The following LBHD1 variants were observed in gnomAD, a reference collection of about 807,000 sequenced individuals.
LBHD1 encodes the protein LBH domain-containing protein 1.
A neutral mutation model predicts 31.1 loss-of-function variants in LBHD1; 28 were observed. The observed-to-expected ratio is 0.90, with a 90% CI of 0.67 to 1.24. The LOEUF (loss-of-function observed/expected upper bound fraction) is 1.24, where lower values mean the gene tolerates loss of function less well. LBHD1 is among the 50% of genes most tolerant of loss of function. The pLI is 0.00. For synonymous variants in LBHD1, 105 were observed against 116.5 expected (o/e 0.90, Z 0.63); for missense variants, 350 against 323.0 (o/e 1.08, Z -0.64).
At chr11:62,663,921 A>T (rs1010564239) in intron 5 of LBHD1, among the ~76,000 whole-genome samples, 37 of 150,166 alleles carry the variant, frequency 2.5e-4, no homozygotes, top group African/African-American at 8.8e-4. Context: ...AAAAATACAA[A>T]AATTAGCCGG....
chr11:62,669,212 G>A (rs770338356), intron 3 of LBHD1, among the ~76,000 whole-genome samples: 8 of 151,964 alleles, frequency 5.3e-5, no homozygotes, highest in Non-Finnish European at 7.4e-5. Context: ...GAGCCACCGC[G>A]GCCAGCCTTA....
chr11:62,662,951 C>G lies in LBHD1; in HGVS notation c.*178G>C. 1.1e-6 allele frequency: 1 copy of G among 909,176 alleles called. No individual in the cohort carries two copies. The highest frequency in any genetic ancestry group is 2.6e-5 in the East Asian group (1 of 39,176). 56.3% of individuals were successfully genotyped at this position (909,176 alleles called of 1,614,324 possible). A position where few individuals can be genotyped will look rare whatever the true frequency, so the allele number is the denominator to read the frequency against. ...AGTAGGCCATTAGGTAGGAGGAAAT[C>G]TGGAGAGTGAAAAGGGGCCTTGCTT... is the stretch of plus-strand genomic sequence containing the variant. On this transcript the variant is annotated 3_prime_UTR_variant, in exon 7 of 7. Coordinates refer to ENST00000354588, the MANE Select transcript of LBHD1 (RefSeq NM_024099.5).
At chr11:62,666,344 G>GT in intron 4 of LBHD1, 3 of 1,582,244 alleles carry the variant, frequency 1.9e-6, no homozygotes, top group Non-Finnish European at 2.6e-6. Context: ...TATATACGAC[G>GT]TTTTTGCAGT....
At chr11:62,668,550 G>C (rs914141043) in intron 3 of LBHD1, 5 of 150,770 alleles carry the variant, frequency 3.3e-5, no homozygotes, top group Non-Finnish European at 7.4e-5. Flanking sequence ...GGTGGCTCAC[G>C]CCTGTAATCC....
At chr11:62,665,991 G>A in intron 4 of LBHD1, 7 of 1,582,136 alleles carry the variant, frequency 4.4e-6, no homozygotes, top group Non-Finnish European at 6.0e-6. Context: ...TGGGGGCAGA[G>A]TGGGGAGGGT....
chr11:62,663,207 C>T (rs774029741), intron 6 of LBHD1, 29 bp downstream of exon 6: 4 of 1,613,788 alleles, frequency 2.5e-6, no homozygotes, highest in Non-Finnish European at 2.5e-6. Context: ...ATCCAGGATT[C>T]CCCTCACCCA....
At chr11:62,666,986 G>T (rs1484545855) in intron 4 of LBHD1, 1 of 1,614,074 alleles carries the variant, frequency 6.2e-7, no homozygotes, top group Admixed American at 1.7e-5. Flanking sequence ...GACTGTGACT[G>T]TGCAGGAGCT....
At chr11:62,666,311 A>G in intron 4 of LBHD1, 1 of 1,158,988 alleles carries the variant, frequency 8.6e-7, no homozygotes, top group Non-Finnish European at 1.2e-6. Flanking sequence ...CCCTGTCTCA[A>G]AAAAAAAAAA....
Position 62,672,190 on chromosome 11 carries a change from C to T in LBHD1, c.-637G>A. 1 of 1,432,586 alleles carries T rather than the reference C, an allele frequency of 7.0e-7. No individual in the cohort carries two copies. Among genetic ancestry groups the T allele is most frequent in the Non-Finnish European group, 9.4e-7 (1 of 1,061,992 alleles). 88.7% of individuals were successfully genotyped at this position (1,432,586 alleles called of 1,614,324 possible). A position where few individuals can be genotyped will look rare whatever the true frequency, so the allele number is the denominator to read the frequency against. On this transcript the variant is annotated 5_prime_UTR_variant, in exon 1 of 7. Transcript: ENST00000354588. ...CGAGGCAGCCTTTCTCCTTCGTGGG[C>T]CCAGCGGAGAGTCCGGACCGAGATA...
chr11:62,664,445 C>T (rs987241850), intron 5 of LBHD1, among the ~76,000 whole-genome samples: 1 of 150,608 alleles, frequency 6.6e-6, no homozygotes, highest in Non-Finnish European at 1.5e-5. Flanking sequence ...ATTCTCCTGC[C>T]TCAGCCTCCC....
In LBHD1 at chr11:62,663,084, T is replaced by A. The variant is rs1457790394; in HGVS notation, c.*45A>T. On this transcript the variant is annotated 3_prime_UTR_variant, in exon 7 of 7. Transcript: ENST00000354588. ...ATCTTCAAGGTCCTTCATTTCTACATCCTGGGGGGCTTTTGTCTTCTTTTG... is the reference window on the plus strand; with the variant it reads ...ATCTTCAAGGTCCTTCATTTCTACAACCTGGGGGGCTTTTGTCTTCTTTTG... 19 of 1,611,894 alleles carry A rather than the reference T, an allele frequency of 1.2e-5. No homozygotes were observed. Among genetic ancestry groups the A allele is most frequent in the Non-Finnish European group, 1.5e-5 (18 of 1,178,600 alleles).
chr11:62,664,872 C>T lies in LBHD1; in HGVS notation c.640G>A (p.Ala214Thr). The T allele has an allele frequency of 6.3e-7, 1 of 1,578,084 alleles. No homozygotes were observed. The highest frequency in any genetic ancestry group is 8.6e-7 in the Non-Finnish European group (1 of 1,161,742). The change falls in exon 5 of 7, where the codon GCG becomes ACG. Residue 214 changes from alanine to threonine, a missense_variant. Ala to Thr is a moderately conservative substitution (Grantham distance 58). Coordinates refer to ENST00000354588, the MANE Select transcript of LBHD1 (RefSeq NM_024099.5). ...ACGCCCGCTTCTTGAGGTGGTGCCG[C>T]GTGATCAGCCCTTGGTCTATCACAG... ...RGCDRPRADH[A>T]APPQEAGVQC...
In LBHD1 at chr11:62,671,571, C is replaced by A; in HGVS notation, c.-18G>T. 1 of 1,445,872 alleles carries A rather than the reference C, an allele frequency of 6.9e-7. No homozygotes were observed. Among genetic ancestry groups the A allele is most frequent in the Non-Finnish European group, 9.1e-7 (1 of 1,104,574 alleles). The allele number at this position is 1,445,872 out of a possible 1,614,324, so 89.6% of individuals were successfully genotyped here. A position where few individuals can be genotyped will look rare whatever the true frequency, so the allele number is the denominator to read the frequency against. On this transcript the variant is annotated 5_prime_UTR_variant, in exon 1 of 7. Transcript: ENST00000354588. Reference sequence around the variant, plus strand: ...CAACCCCCTCAGCTAAACCTGAGATCCAAGCGCTCCGGATTCCAAACGTTT... The same window carrying A: ...CAACCCCCTCAGCTAAACCTGAGATACAAGCGCTCCGGATTCCAAACGTTT...
chr11:62,672,139 C>T lies in LBHD1; in HGVS notation c.-586G>A, dbSNP rs776650281. 5.2e-6 allele frequency: 8 copies of T among 1,549,558 alleles called. No homozygotes were observed. The highest frequency in any genetic ancestry group is 4.7e-5 in the South Asian group (4 of 84,754). ...AGACCGGACTTGCCTCCGTGGGCGC[C>T]GGACCTTGGCTTGGGCGCAGGAATC... On this transcript the variant is annotated 5_prime_UTR_variant, in exon 1 of 7. Coordinates refer to ENST00000354588, the MANE Select transcript of LBHD1 (RefSeq NM_024099.5).
Position 62,670,041 on chromosome 11 carries a change from T to A in LBHD1, c.-10A>T. On this transcript the variant is annotated splice_region_variant and 5_prime_UTR_variant, in exon 2 of 7. Coordinates refer to ENST00000354588, the MANE Select transcript of LBHD1 (RefSeq NM_024099.5). ...CTGGCACAAGGGCCATGGTGGTGAT[T>A]CTTAGAGTGCAAGATGATTGAACTC... 1 of 1,603,442 alleles carries A rather than the reference T, an allele frequency of 6.2e-7. No individual in the cohort carries two copies. Among genetic ancestry groups the A allele is most frequent in the Middle Eastern group, 1.9e-4 (1 of 5,404 alleles).
chr11:62,671,851 CA>C lies in LBHD1; in HGVS notation c.-299del. 6.2e-7 allele frequency: 1 copy of C among 1,614,076 alleles called. No homozygotes were observed. Among genetic ancestry groups the C allele is most frequent in the Non-Finnish European group, 8.5e-7 (1 of 1,180,012 alleles). The stretch of plus-strand genomic sequence containing the variant: ...CGTGACCCCGGGAGAGCGGCGGAAG[CA>C]GGAAATGCTAAAGGTAGAAGCAACT... On this transcript the variant is annotated 5_prime_UTR_variant, in exon 1 of 7. Coordinates refer to ENST00000354588, the MANE Select transcript of LBHD1 (RefSeq NM_024099.5).
rs751428515 is a variant in LBHD1, at chr11:62,671,823, T to C, written c.-270A>G. On this transcript the variant is annotated 5_prime_UTR_variant, in exon 1 of 7. The change creates a new upstream start codon in the 5' untranslated region. Coordinates refer to ENST00000354588, the MANE Select transcript of LBHD1 (RefSeq NM_024099.5). ...CTGGCGTGGGCTACGCGCTCCTCGT[T>C]ATCGTGACCCCGGGAGAGCGGCGGA... The C allele has an allele frequency of 1.9e-6, 3 of 1,614,124 alleles. 1 individual carries two copies. The East Asian group carries it at 6.7e-5, about 36-fold the overall frequency.
At chr11:62,666,427 C>G (rs2134627907) in intron 4 of LBHD1, 3 of 1,612,236 alleles carry the variant, frequency 1.9e-6, no homozygotes, top group East Asian at 2.2e-5. Context: ...TGGCGGACCG[C>G]TGTCTCTGGG....
At position 62,667,705 on chromosome 11, in the gene LBHD1, G is replaced by A. The variant is rs1372150993; in HGVS notation, c.356C>T (p.Thr119Ile). 2.5e-6 allele frequency: 4 copies of A among 1,613,816 alleles called. No homozygotes were observed. In the African/African-American group the frequency reaches 5.3e-5, roughly 22 times the overall value. The change falls in exon 4 of 7, where the codon ACA becomes ATA. Residue 119 changes from threonine (T) to isoleucine (I), a missense_variant. Transcript: ENST00000354588. ...CCCCCAGCTGAGTCCAGCGTTAAATGTTCTTAAAGGACTTCTAGGGTCCTG... is the reference window on the plus strand; with the variant it reads ...CCCCCAGCTGAGTCCAGCGTTAAATATTCTTAAAGGACTTCTAGGGTCCTG... ...SPQDPRSPLR[T>I]FNAGLSWGQD...
Sources: gnomAD v4.1 joint callset for allele counts (sites outside exome capture counted in the v4.1 genomes callset) on GRCh38, gnomAD v4.1.1 for gene constraint, MANE v1.5 for transcripts, NCBI Gene and HGNC (gene_info 2026-07-23, HGNC 2026-07-21) for gene names.